VIPR1: variants seen among roughly 807,000 people sequenced by gnomAD.
The protein encoded by VIPR1 is vasoactive intestinal peptide receptor 1.
VIPR1 carries 59 observed loss-of-function variants against 58.8 expected under a neutral mutation model. The ratio of observed to expected loss-of-function variants is 1.00; its 90% CI spans 0.81 to 1.25. VIPR1 has a LOEUF of 1.25. Ranked by LOEUF, VIPR1 falls within the 50% of genes most tolerant of loss-of-function variation. VIPR1 has a pLI of 0.00. For synonymous variants in VIPR1, 251 were observed against 242.1 expected (o/e 1.04, Z -0.34); for missense variants, 626 against 602.7 (o/e 1.04, Z -0.40).
rs143797486 is a variant in VIPR1 at position 42,523,445 on chromosome 3, G to C, written c.293-2442G>C. Among the ~76,000 whole-genome samples, 14 of 152,274 alleles carry C rather than the reference G, an allele frequency of 9.2e-5. No individual in the cohort carries two copies. The East Asian group carries it at 2.5e-3, about 27-fold the overall frequency. On this transcript the variant is annotated intron_variant, in intron 3 of 12. Transcript: ENST00000325123. ...GCCCAGAAAGATCTGGAGTCAGGCA[G>C]ACCTTGGTCTGCATCCCACCTGCTG...
intron 3 of VIPR1, among the ~76,000 whole-genome samples, chr3:42,523,084 A>ACCCCC (rs145372341): frequency 6.2e-5 from 9 of 145,084 alleles, no homozygotes; most frequent in African/African-American, 2.4e-4. Context: ...GCATGCCCTG[A>ACCCCC]CCCCGCCCCC....
chr3:42,502,343 A>C (rs1289004055), upstream of VIPR1: 2 of 164,336 alleles, frequency 1.2e-5, no homozygotes, highest in Non-Finnish European at 2.6e-5. Flanking sequence ...GGAGCTTGCG[A>C]AGGTCGTGAG....
chr3:42,507,908 CTCT>C lies in VIPR1; in HGVS notation c.78+5102_78+5104del, dbSNP rs1256487207. 2.2e-5 allele frequency: 3 copies of C among 137,602 alleles called. No individual in the cohort carries two copies. The Admixed American group carries it at 2.4e-4, about 11-fold the overall frequency. The allele number at this position is 137,602 out of a possible 1,614,324, so 8.5% of individuals were successfully genotyped here. A position where few individuals can be genotyped will look rare whatever the true frequency, so the allele number is the denominator to read the frequency against. On this transcript the variant is annotated intron_variant, in intron 1 of 12. Transcript: ENST00000325123. ...CAACACTCACACAGCAGTTCTCATT[CTCT>C]TCTTCTACCAGAGCTCAGCCTTCCC...
intron 9 of VIPR1, 137 bp from the exon 10 acceptor site, chr3:42,532,105 G>C (rs1004824057): frequency 2.0e-6 from 2 of 995,058 alleles, no homozygotes; most frequent in African/African-American, 3.2e-5. Context: ...CCTGCCCAAA[G>C]GGGAAATGCC....
At position 42,536,382 on chromosome 3, in the gene VIPR1, G is replaced by A; in HGVS notation, c.*101G>A. Reference sequence around the variant, plus strand: ...GCCTGCCCGGGCGCGGCCAGCCCCGGCCCTGGGCTCGGAGGCTGCCCCCGG... The same window carrying A: ...GCCTGCCCGGGCGCGGCCAGCCCCGACCCTGGGCTCGGAGGCTGCCCCCGG... On this transcript the variant is annotated 3_prime_UTR_variant, in exon 13 of 13. Transcript: ENST00000325123. The A allele has an allele frequency of 7.5e-7, 1 of 1,324,576 alleles. No individual in the cohort carries two copies. Among genetic ancestry groups the A allele is most frequent in the African/African-American group, 1.5e-5 (1 of 65,130 alleles). The allele number at this position is 1,324,576 out of a possible 1,614,324, so 82.1% of individuals were successfully genotyped here.
intron 3 of VIPR1, among the ~76,000 whole-genome samples, chr3:42,522,489 T>C (rs190435054): frequency 6.6e-6 from 1 of 152,296 alleles, no homozygotes; most frequent in Admixed American, 6.5e-5. Flanking sequence ...ACATACAGTC[T>C]ATGTTAACCA....
At chr3:42,495,628 C>A (rs766978509) in intron 1 of VIPR1, among the ~76,000 whole-genome samples, 3 of 151,970 alleles carry the variant, frequency 2.0e-5, no homozygotes, top group Non-Finnish European at 4.4e-5. Context: ...AGTTCAGAGA[C>A]ATAAGTCAGA....
In VIPR1 at chr3:42,527,578, G is replaced by A. The variant is rs1476923329; in HGVS notation, c.503+82G>A. 2.5e-5 allele frequency: 33 copies of A among 1,342,494 alleles called. 1 individual carries two copies. The highest frequency in any genetic ancestry group is 1.9e-4 in the East Asian group (8 of 42,418). 83.2% of individuals were successfully genotyped at this position (1,342,494 alleles called of 1,614,324 possible). A position where few individuals can be genotyped will look rare whatever the true frequency, so the allele number is the denominator to read the frequency against. On this transcript the variant is annotated intron_variant, in intron 5 of 12. Coordinates refer to ENST00000325123, the MANE Select transcript of VIPR1 (RefSeq NM_004624.4). ...CAGTGGAGCCCAGCGTGGCCCAGGC[G>A]TGCCCCGACCCCTCCACTGTTGCCC...
At chr3:42,496,593 A>G (rs1264413556) in intron 1 of VIPR1, among the ~76,000 whole-genome samples, 1 of 152,200 alleles carries the variant, frequency 6.6e-6, no homozygotes, top group Admixed American at 6.5e-5. Flanking sequence ...CCTTTTCTAC[A>G]TAACTTGAGG....
At chr3:42,526,387 C>T (rs1701235627) in intron 4 of VIPR1, among the ~76,000 whole-genome samples, 1 of 152,214 alleles carries the variant, frequency 6.6e-6, no homozygotes, top group South Asian at 2.1e-4. Flanking sequence ...TACCAAATAG[C>T]CAGTCAGGAA....
intron 3 of VIPR1, chr3:42,521,443 G>C (rs565699661): frequency 2.0e-5 from 3 of 152,326 alleles, no homozygotes; most frequent in East Asian, 3.9e-4. Flanking sequence ...GTGTTCTCCT[G>C]AGCAAGTAGA....
intron 1 of VIPR1, among the ~76,000 whole-genome samples, chr3:42,492,685 G>T (rs1577188105): frequency 6.6e-6 from 1 of 152,226 alleles, no homozygotes; most frequent in Admixed American, 6.5e-5. Flanking sequence ...TCCTGTCCAG[G>T]CATTTGTTTT....
upstream of VIPR1, among the ~76,000 whole-genome samples, chr3:42,497,856 C>T (rs1225248710): frequency 1.3e-5 from 2 of 152,166 alleles, no homozygotes; most frequent in Non-Finnish European, 2.9e-5. Flanking sequence ...TCCACTAAAC[C>T]TCTTTTTCTT....
intron 2 of VIPR1, among the ~76,000 whole-genome samples, chr3:42,518,084 C>A (rs911394681): frequency 1.5e-4 from 23 of 151,740 alleles, no homozygotes; most frequent in African/African-American, 5.3e-4. Flanking sequence ...AGGACACGTA[C>A]CCATCCACTT....
intron 1 of VIPR1, among the ~76,000 whole-genome samples, chr3:42,510,169 A>G (rs188788536): frequency 5.3e-5 from 8 of 152,314 alleles, no homozygotes; most frequent in African/African-American, 1.7e-4. Context: ...CCTTGCATGT[A>G]TTAGGCATTT....
chr3:42,501,448 T>C (rs985249408), upstream of VIPR1, among the ~76,000 whole-genome samples: 4 of 152,100 alleles, frequency 2.6e-5, no homozygotes, highest in Non-Finnish European at 5.9e-5. This position sits in a 1 kb window ranked among gnomAD's most constrained non-coding sequence, Gnocchi z 4.8. Context: ...CCTCTCCTTC[T>C]GTCACACGGC....
In VIPR1 at chr3:42,502,685, CG is replaced by C; in HGVS notation, c.-50del. 8.0e-7 allele frequency: 1 copy of C among 1,257,424 alleles called. No homozygotes were observed. Among genetic ancestry groups the C allele is most frequent in the Non-Finnish European group, 1.0e-6 (1 of 1,000,888 alleles). The allele number at this position is 1,257,424 out of a possible 1,614,324, so 77.9% of individuals were successfully genotyped here. ...GCCATCGCCCGCCTGGTGCGCCGCC[CG>C]CCAGCTCTTTGCCCGCGCGGGGCCG... On this transcript the variant is annotated 5_prime_UTR_variant, in exon 1 of 13. Transcript: ENST00000325123.
At chr3:42,535,234 C>T (rs770050574) in intron 11 of VIPR1, 109 bp from the exon 12 acceptor site, 40 of 1,596,262 alleles carry the variant, frequency 2.5e-5, no homozygotes, top group Non-Finnish European at 3.3e-5. Context: ...CTACTTTGTG[C>T]TTAGCTCTTT....
intron 2 of VIPR1, among the ~76,000 whole-genome samples, chr3:42,514,732 CCACTCCTCCT>C (rs1700540518): frequency 6.6e-6 from 1 of 152,072 alleles, no homozygotes; most frequent in South Asian, 2.1e-4. Flanking sequence ...AGGGCCCCAG[CCACTCCTCCT>C]CAGGGGGCTG....
Sources: allele counts gnomAD v4.1 joint callset (sites outside exome capture counted in the v4.1 genomes callset), GRCh38; gene constraint gnomAD v4.1.1; non-coding constraint Gnocchi (gnomAD v3.1); transcripts MANE v1.5; gene names NCBI Gene and HGNC (gene_info 2026-07-23, HGNC 2026-07-21).